Variants in UBE2N observed in about 807,000 individuals in gnomAD.
UBE2N encodes the protein ubiquitin conjugating enzyme E2 N, also known as ubiquitin-conjugating enzyme E2 N.
For missense variants in UBE2N, 60 were observed against 192.1 expected (o/e 0.31, Z 4.07); for synonymous variants, 70 against 69.2 (o/e 1.01, Z -0.06).
intron 1 of UBE2N, among the ~76,000 whole-genome samples, chr12:93,418,986 T>A (rs969412596): frequency 6.6e-6 from 1 of 152,152 alleles, no homozygotes; most frequent in African/African-American, 2.4e-5. Flanking sequence ...CACAAGACAA[T>A]CATGTTATAA....
intron 1 of UBE2N, among the ~76,000 whole-genome samples, chr12:93,431,459 C>T (rs1878771797): frequency 6.6e-6 from 1 of 152,152 alleles, no homozygotes; most frequent in East Asian, 1.9e-4. Flanking sequence ...TAATAAGTCC[C>T]TCTGTGCAGG....
rs756368769 is a variant in UBE2N, at chr12:93,410,974, T to C, written c.277+79A>G. On this transcript the variant is annotated intron_variant, in intron 2 of 3. Transcript: ENST00000318066. The stretch of plus-strand genomic sequence containing the variant: ...GACCTCTCTGATCTTTGTATAATGT[T>C]TACATTCTAAACATGGAATGCTTAA... 3.1e-6 allele frequency: 5 copies of C among 1,613,764 alleles called. No homozygotes were observed. The East Asian group carries it at 1.1e-4, about 36-fold the overall frequency.
intron 1 of UBE2N, among the ~76,000 whole-genome samples, chr12:93,421,288 A>C (rs1489095904): frequency 6.6e-6 from 1 of 151,126 alleles, no homozygotes; most frequent in Non-Finnish European, 1.5e-5. Context: ...TGCAAGCTCC[A>C]CCTCCCGGGT....
At chr12:93,415,106 C>G (rs1878165504) in intron 1 of UBE2N, among the ~76,000 whole-genome samples, 1 of 152,076 alleles carries the variant, frequency 6.6e-6, no homozygotes, top group African/African-American at 2.4e-5. Context: ...GAAAAATAGT[C>G]TAACTTCTAC....
At chr12:93,416,705 T>C (rs1196026488) in intron 1 of UBE2N, among the ~76,000 whole-genome samples, 1 of 151,906 alleles carries the variant, frequency 6.6e-6, no homozygotes, top group Non-Finnish European at 1.5e-5. Flanking sequence ...GCCTTATCTA[T>C]CTTTTGGCAC....
At chr12:93,418,345 TAGTG>T (rs746545217) in intron 1 of UBE2N, among the ~76,000 whole-genome samples, 1 of 151,912 alleles carries the variant, frequency 6.6e-6, no homozygotes, top group Non-Finnish European at 1.5e-5. Flanking sequence ...GCCTGGGCGA[TAGTG>T]AGACCTTGTC....
chr12:93,429,554 T>G (rs1257711782), intron 1 of UBE2N, among the ~76,000 whole-genome samples: 2 of 146,000 alleles, frequency 1.4e-5, no homozygotes. Flanking sequence ...GTGTATTCCT[T>G]CTGCTTGTTA....
chr12:93,413,139 GGTTAAATCAAAT>G (rs1366141327), intron 1 of UBE2N, among the ~76,000 whole-genome samples: 4 of 152,122 alleles, frequency 2.6e-5, no homozygotes, highest in African/African-American at 4.8e-5. Context: ...ATTTCCACAA[GGTTAAATCAAAT>G]GTCCAGTGCT....
At chr12:93,440,151 G>C (rs896985777) in intron 1 of UBE2N, among the ~76,000 whole-genome samples, 7 of 152,156 alleles carry the variant, frequency 4.6e-5, no homozygotes, top group Non-Finnish European at 1.0e-4. Context: ...CTTGCATTAT[G>C]TACTTAGTCA....
intron 1 of UBE2N, among the ~76,000 whole-genome samples, chr12:93,419,339 G>A (rs1043219568): frequency 3.3e-5 from 5 of 151,546 alleles, no homozygotes; most frequent in Non-Finnish European, 5.9e-5. Context: ...GCAGTGAGCC[G>A]AGATCGTGCC....
chr12:93,422,767 A>C (rs1002571552), intron 1 of UBE2N, among the ~76,000 whole-genome samples: 3 of 151,948 alleles, frequency 2.0e-5, no homozygotes, highest in Non-Finnish European at 4.4e-5. Flanking sequence ...CAAGTTGGTA[A>C]TTCATTTCAG....
intron 1 of UBE2N, among the ~76,000 whole-genome samples, chr12:93,417,582 T>C (rs1236723006): frequency 6.6e-6 from 1 of 152,226 alleles, no homozygotes; most frequent in African/African-American, 2.4e-5. Context: ...TTAGGTTTTT[T>C]AGAATATTCT....
Position 93,437,208 on chromosome 12 carries a change from T to C in UBE2N, c.30+4647A>G, listed in dbSNP as rs1305566145. Among the ~76,000 whole-genome samples, 4 of 152,012 alleles carry C rather than the reference T, an allele frequency of 2.6e-5. No homozygotes were observed. The East Asian group carries it at 7.7e-4, about 29-fold the overall frequency. ...AAAAAAGAGCCAAAGCAGAACACTA[T>C]GATGCATGTCTGTAATCCCAGATAC... is the stretch of plus-strand genomic sequence containing the variant. On this transcript the variant is annotated intron_variant, in intron 1 of 3. Transcript: ENST00000318066.
intron 1 of UBE2N, among the ~76,000 whole-genome samples, chr12:93,434,922 G>C (rs1878888332): frequency 6.9e-6 from 1 of 145,970 alleles, no homozygotes; most frequent in African/African-American, 2.7e-5. Flanking sequence ...ATTTATTTAA[G>C]AGACAGGGTC....
rs893715556 is a variant in UBE2N, at chr12:93,406,919, A to T, written c.*3120T>A. On this transcript the variant is annotated 3_prime_UTR_variant, in exon 4 of 4. Coordinates refer to ENST00000318066, the MANE Select transcript of UBE2N (RefSeq NM_003348.4). ...TGAGAGGATGAAGGATAACTAGAGC[A>T]GAAGCAAATCGCAGCGAAGTAGACT... is the stretch of plus-strand genomic sequence containing the variant. 1.3e-5 allele frequency: 2 copies of T among 152,258 alleles called. No individual in the cohort carries two copies. Among genetic ancestry groups the T allele is most frequent in the Admixed American group, 6.5e-5 (1 of 15,286 alleles). The allele number at this position is 152,258 out of a possible 1,614,324, so 9.4% of individuals were successfully genotyped here.
Position 93,411,308 on chromosome 12 carries a change from G to C in UBE2N, c.31-9C>G. 1 of 1,578,068 alleles carries C rather than the reference G, an allele frequency of 6.3e-7. No homozygotes were observed. The highest frequency in any genetic ancestry group is 1.4e-5 in the African/African-American group (1 of 73,116). ...AGCAAACGCTGGGTTTCCTATGACA[G>C]AAAAACAAACACATTTGTGAAACAA... On this transcript the variant is annotated splice_polypyrimidine_tract_variant and intron_variant, in intron 1 of 3. Transcript: ENST00000318066.
At chr12:93,438,580 G>A (rs553309823) in intron 1 of UBE2N, among the ~76,000 whole-genome samples, 21 of 152,042 alleles carry the variant, frequency 1.4e-4, no homozygotes, top group African/African-American at 4.8e-4. Context: ...TAAGGGGTGG[G>A]GGGGAAGGCA....
chr12:93,408,414 A>C lies in UBE2N; in HGVS notation c.*1625T>G, dbSNP rs1047891216. On this transcript the variant is annotated 3_prime_UTR_variant, in exon 4 of 4. Transcript: ENST00000318066. Reference sequence around the variant, plus strand: ...TAATAGTTAATTCTTCATCTTACATAGGAGCACAATAAAATACACCACAAT... The same window carrying C: ...TAATAGTTAATTCTTCATCTTACATCGGAGCACAATAAAATACACCACAAT... The C allele has an allele frequency of 1.1e-4, 17 of 152,256 alleles. No individual in the cohort carries two copies. Among genetic ancestry groups the C allele is most frequent in the African/African-American group, 4.1e-4 (17 of 41,472 alleles). 9.4% of individuals were successfully genotyped at this position (152,256 alleles called of 1,614,324 possible).
rs569001583 is a variant in UBE2N, at chr12:93,409,725, T to G, written c.*314A>C. On this transcript the variant is annotated 3_prime_UTR_variant, in exon 4 of 4. Coordinates refer to ENST00000318066, the MANE Select transcript of UBE2N (RefSeq NM_003348.4). ...AACACCCACACCCCTGCAGCTAACC[T>G]GACAACTACCTTCATTCACAGTGCT... 5.8e-5 allele frequency: 15 copies of G among 260,710 alleles called. No individual in the cohort carries two copies. Among genetic ancestry groups the G allele is most frequent in the Non-Finnish European group, 1.2e-4 (15 of 130,400 alleles). 16.1% of individuals were successfully genotyped at this position (260,710 alleles called of 1,614,324 possible).
Sources: gnomAD v4.1 joint callset for allele counts (sites outside exome capture counted in the v4.1 genomes callset) on GRCh38, gnomAD v4.1.1 for gene constraint, MANE v1.5 for transcripts, NCBI Gene and HGNC (gene_info 2026-07-23, HGNC 2026-07-21) for gene names.